Variants in TBC1D1 observed in about 807,000 individuals in gnomAD.
The protein encoded by TBC1D1 is TBC1 domain family member 1.
TBC1D1 carries 89 observed loss-of-function variants against 125.6 expected under a neutral mutation model. The observed-to-expected ratio is 0.71, with a 90% CI of 0.60 to 0.85. The LOEUF (loss-of-function observed/expected upper bound fraction) is 0.85. Ranked by LOEUF, TBC1D1 falls within the 40% of genes least tolerant of loss-of-function variation. TBC1D1 has a pLI of 0.00. For missense variants in TBC1D1, 1,377 were observed against 1,469.2 expected (o/e 0.94, Z 1.03); for synonymous variants, 565 against 564.1 (o/e 1.00, Z -0.02).
intron 2 of TBC1D1, among the ~76,000 whole-genome samples, chr4:37,989,047 G>C (rs1736022859): frequency 6.6e-6 from 1 of 152,142 alleles, no homozygotes; most frequent in Non-Finnish European, 1.5e-5. Flanking sequence ...TTTTGAAATG[G>C]CCCTGGAAAG....
At chr4:38,051,867 A>C in intron 11 of TBC1D1, 32 bp from the exon 12 acceptor site, 1 of 1,516,602 alleles carries the variant, frequency 6.6e-7, no homozygotes, top group Non-Finnish European at 8.9e-7. Flanking sequence ...TCTCCTGCTA[A>C]CCCCCCCGTG....
intron 2 of TBC1D1, among the ~76,000 whole-genome samples, chr4:37,983,409 G>C (rs1021594887): frequency 1.3e-5 from 2 of 152,102 alleles, no homozygotes; most frequent in South Asian, 4.1e-4. Context: ...CACTGTGTCC[G>C]CCATCCCTCC....
chr4:38,077,521 A>G (rs936494885), intron 12 of TBC1D1, among the ~76,000 whole-genome samples: 1 of 152,228 alleles, frequency 6.6e-6, no homozygotes, highest in African/African-American at 2.4e-5. Context: ...CCCAAGCTTA[A>G]TAAATATTGT....
chr4:38,009,635 C>T (rs1337222744), intron 2 of TBC1D1, among the ~76,000 whole-genome samples: 1 of 152,194 alleles, frequency 6.6e-6, no homozygotes, highest in Admixed American at 6.5e-5. Context: ...ATGTCATTAT[C>T]TGGCTACATA....
intron 11 of TBC1D1, among the ~76,000 whole-genome samples, chr4:38,052,722 G>GCA (rs1750914918): frequency 1.7e-5 from 1 of 59,368 alleles, no homozygotes; most frequent in African/African-American, 6.6e-5. Context: ...ACGCGCGCGC[G>GCA]CGCGCGCACA....
intron 2 of TBC1D1, among the ~76,000 whole-genome samples, chr4:37,975,813 T>C (rs1369041670): frequency 6.6e-6 from 1 of 152,204 alleles, no homozygotes; most frequent in Non-Finnish European, 1.5e-5. Flanking sequence ...TACAAACTAA[T>C]GATTAATGAT....
intron 2 of TBC1D1, among the ~76,000 whole-genome samples, chr4:37,915,747 CT>C (rs1327003234): frequency 6.6e-6 from 1 of 152,246 alleles, no homozygotes; most frequent in East Asian, 1.9e-4. Flanking sequence ...CTCATTTTTC[CT>C]TTCCTCCTTC....
intron 11 of TBC1D1, among the ~76,000 whole-genome samples, chr4:38,050,170 G>A (rs1262562665): frequency 6.6e-6 from 1 of 152,220 alleles, no homozygotes; most frequent in Non-Finnish European, 1.5e-5. Flanking sequence ...AAGAGACGTT[G>A]TTGACTGTGG....
At chr4:37,906,297 A>G (rs1258560773) in intron 2 of TBC1D1, among the ~76,000 whole-genome samples, 1 of 151,982 alleles carries the variant, frequency 6.6e-6, no homozygotes, top group Non-Finnish European at 1.5e-5. Context: ...ACAGGTACAC[A>G]TGATCGTGCC....
chr4:38,020,617 G>A lies in TBC1D1; in HGVS notation c.999G>A (p.Gly333=). The A allele has an allele frequency of 6.2e-7, 1 of 1,613,200 alleles. No individual in the cohort carries two copies. Among genetic ancestry groups the A allele is most frequent in the Non-Finnish European group, 8.5e-7 (1 of 1,179,414 alleles). The change falls in exon 5 of 20, where the codon GGG becomes GGA. Residue 333 remains glycine, a synonymous_variant. Coordinates refer to ENST00000261439, the MANE Select transcript of TBC1D1 (RefSeq NM_015173.4). Reference sequence around the variant, plus strand: ...GCATCAGACACGTGGACCACTTTGGGTTTATCTGTCGGGAGTCTTCCGGAG... The same window carrying A: ...GCATCAGACACGTGGACCACTTTGGATTTATCTGTCGGGAGTCTTCCGGAG...
Position 38,125,146 on chromosome 4 carries a change from A to C in TBC1D1, c.3132+15A>C, listed in dbSNP as rs765694296. 1 of 1,612,360 alleles carries C rather than the reference A, an allele frequency of 6.2e-7. No homozygotes were observed. Among genetic ancestry groups the C allele is most frequent in the Admixed American group, 1.7e-5 (1 of 59,762 alleles). ...CCATCAATCAGGTATGAGTCAGTCC[A>C]AACCTTGCAAATGCTTAAGCCATCC... On this transcript the variant is annotated intron_variant, in intron 18 of 19. Coordinates refer to ENST00000261439, the MANE Select transcript of TBC1D1 (RefSeq NM_015173.4).
chr4:37,945,126 T>A (rs561411110), intron 2 of TBC1D1, among the ~76,000 whole-genome samples: 1 of 152,248 alleles, frequency 6.6e-6, no homozygotes, highest in African/African-American at 2.4e-5. Flanking sequence ...GAAAGTTGGA[T>A]AAATGCAGTT....
intron 6 of TBC1D1, 128 bp from the exon 7 acceptor site, chr4:38,027,660 T>G (rs1409910813): frequency 1.2e-5 from 6 of 514,332 alleles, no homozygotes; most frequent in Non-Finnish European, 2.1e-5. Flanking sequence ...AATATTTTTT[T>G]ATTTCCTAAA....
chr4:38,057,675 A>C (rs1424540853), intron 12 of TBC1D1, among the ~76,000 whole-genome samples: 1 of 152,262 alleles, frequency 6.6e-6, no homozygotes, highest in African/African-American at 2.4e-5. Flanking sequence ...ATAGCCACAT[A>C]TTATGCTCTT....
At chr4:38,095,466 G>A (rs142983872) in intron 13 of TBC1D1, among the ~76,000 whole-genome samples, 53 of 152,248 alleles carry the variant, frequency 3.5e-4, no homozygotes, top group Non-Finnish European at 5.1e-4. Context: ...AGCAGAAATG[G>A]GACCCATGGT....
intron 2 of TBC1D1, among the ~76,000 whole-genome samples, chr4:37,957,274 T>C (rs1394391624): frequency 6.6e-6 from 1 of 152,244 alleles, no homozygotes; most frequent in African/African-American, 2.4e-5. Context: ...TTCACAATCA[T>C]TAAAGTAATA....
intron 18 of TBC1D1, among the ~76,000 whole-genome samples, chr4:38,126,275 A>G (rs1764640156): frequency 6.6e-6 from 1 of 152,258 alleles, no homozygotes; most frequent in East Asian, 1.9e-4. Flanking sequence ...GCAGTTCGCC[A>G]TTGACCAAAA....
chr4:37,970,801 G>C (rs1402831218), intron 2 of TBC1D1, among the ~76,000 whole-genome samples: 1 of 152,218 alleles, frequency 6.6e-6, no homozygotes, highest in South Asian at 2.1e-4. Flanking sequence ...TTGCCAAGTG[G>C]TTCTGATTCA....
At chr4:38,097,666 C>G (rs1032661395) in intron 14 of TBC1D1, among the ~76,000 whole-genome samples, 2 of 151,618 alleles carry the variant, frequency 1.3e-5, no homozygotes, top group African/African-American at 2.4e-5. Flanking sequence ...TTACTAGAGA[C>G]GGGTTTTCAC....
Sources: allele counts gnomAD v4.1 joint callset (sites outside exome capture counted in the v4.1 genomes callset), GRCh38; gene constraint gnomAD v4.1.1; transcripts MANE v1.5; gene names NCBI Gene and HGNC (gene_info 2026-07-23, HGNC 2026-07-21).